NTNG1: variants seen among roughly 807,000 people sequenced by gnomAD.
The protein encoded by NTNG1 is netrin-G1.
Under a neutral mutation model 54.0 loss-of-function variants are expected in NTNG1, and 16 were observed. The ratio of observed to expected loss-of-function variants is 0.30; its 90% CI spans 0.20 to 0.45. The LOEUF (loss-of-function observed/expected upper bound fraction) is 0.45. NTNG1 is among the 20% of genes least tolerant of loss of function. The pLI is 1.00. For missense variants in NTNG1, 530 were observed against 678.7 expected (o/e 0.78, Z 2.43); for synonymous variants, 255 against 263.1 (o/e 0.97, Z 0.30).
At chr1:107,479,049 C>T (rs1040718026) in intron 7 of NTNG1, among the ~76,000 whole-genome samples, 7 of 152,154 alleles carry the variant, frequency 4.6e-5, no homozygotes, top group Non-Finnish European at 1.0e-4. Context: ...TATTTGGAGC[C>T]TGAAGGATTT....
At chr1:107,370,665 A>G (rs1361685425) in intron 3 of NTNG1, among the ~76,000 whole-genome samples, 1 of 152,036 alleles carries the variant, frequency 6.6e-6, no homozygotes, top group Non-Finnish European at 1.5e-5. Flanking sequence ...AATCCCATCC[A>G]GTTTGCTGCT....
intron 2 of NTNG1, among the ~76,000 whole-genome samples, chr1:107,277,000 T>C (rs1172741454): frequency 6.6e-6 from 1 of 152,080 alleles, no homozygotes; most frequent in Non-Finnish European, 1.5e-5. Flanking sequence ...TGGGGGAGGC[T>C]GGGAAATTTG....
chr1:107,480,582 C>CCCCCCCCAAAAA, intron 7 of NTNG1, 29 bp from the exon 8 acceptor site: 1 of 707,698 alleles, frequency 1.4e-6, no homozygotes, highest in East Asian at 2.7e-5. Context: ...CCGCGCCCAC[C>CCCCCCCCAAAAA]CACCCCTACC....
At chr1:107,408,104 A>T (rs2101149364) in intron 5 of NTNG1, 1 of 315,510 alleles carries the variant, frequency 3.2e-6, no homozygotes, top group South Asian at 2.8e-5. Context: ...TAAAAAGCAG[A>T]AAATGAAAGC....
chr1:107,261,105 T>C (rs1303815331), intron 2 of NTNG1: 1 of 152,258 alleles, frequency 6.6e-6, no homozygotes, highest in African/African-American at 2.4e-5. Context: ...CTTTAATTCA[T>C]TCATTTTTAA....
At chr1:107,257,204 C>G (rs1053026063) in intron 2 of NTNG1, among the ~76,000 whole-genome samples, 2 of 152,148 alleles carry the variant, frequency 1.3e-5, no homozygotes. Context: ...AGTTTAGAAA[C>G]CAGTTTAAAT....
intron 2 of NTNG1, among the ~76,000 whole-genome samples, chr1:107,207,694 G>T (rs980361062): frequency 6.6e-6 from 1 of 152,162 alleles, no homozygotes; most frequent in Non-Finnish European, 1.5e-5. Context: ...GGTGACATAT[G>T]TATCTCAACA....
chr1:107,365,441 C>G (rs74853117), intron 3 of NTNG1, among the ~76,000 whole-genome samples: 7 of 152,048 alleles, frequency 4.6e-5, no homozygotes, highest in Admixed American at 4.6e-4. Context: ...CAACTGGATT[C>G]CAGCCCCATT....
chr1:107,231,496 A>G (rs1420314146), intron 2 of NTNG1, among the ~76,000 whole-genome samples: 2 of 152,130 alleles, frequency 1.3e-5, no homozygotes, highest in East Asian at 1.9e-4. Flanking sequence ...TTCTAGGACT[A>G]TTTGTGGTAT....
intron 2 of NTNG1, among the ~76,000 whole-genome samples, chr1:107,269,453 G>A (rs1475182297): frequency 6.6e-6 from 1 of 152,082 alleles, no homozygotes; most frequent in Admixed American, 6.5e-5. Context: ...AACAGTTACT[G>A]CTTTCCGATA....
At chr1:107,210,266 C>T (rs1227271329) in intron 2 of NTNG1, among the ~76,000 whole-genome samples, 1 of 152,064 alleles carries the variant, frequency 6.6e-6, no homozygotes, top group Non-Finnish European at 1.5e-5. Flanking sequence ...TACTCAAGTT[C>T]ATTTGGAGAA....
intron 6 of NTNG1, among the ~76,000 whole-genome samples, chr1:107,433,926 C>A (rs566598843): frequency 2.0e-5 from 3 of 152,172 alleles, no homozygotes; most frequent in South Asian, 2.1e-4. Flanking sequence ...AATTAAGATT[C>A]CTAAAGGGCT....
At chr1:107,175,444 G>A (rs954927228) in intron 2 of NTNG1, among the ~76,000 whole-genome samples, 2 of 152,068 alleles carry the variant, frequency 1.3e-5, no homozygotes, top group Admixed American at 1.3e-4. Context: ...AGATTTCTTA[G>A]AGCCATGAGA....
chr1:107,342,481 T>C (rs978457733), intron 3 of NTNG1, among the ~76,000 whole-genome samples: 1 of 152,158 alleles, frequency 6.6e-6, no homozygotes, highest in African/African-American at 2.4e-5. Context: ...TACTGAATGT[T>C]TTTGCTTTGC....
At chr1:107,323,135 C>T (rs1201511017) in intron 2 of NTNG1, among the ~76,000 whole-genome samples, 10 of 150,100 alleles carry the variant, frequency 6.7e-5, no homozygotes, top group Admixed American at 6.6e-4. Context: ...AAGAAAGAAA[C>T]CTAATTGTAA....
chr1:107,351,833 A>G (rs1669618826), intron 3 of NTNG1, among the ~76,000 whole-genome samples: 1 of 152,246 alleles, frequency 6.6e-6, no homozygotes, highest in Non-Finnish European at 1.5e-5. Context: ...AATCAAAAAC[A>G]AGTTAGTTAC....
At chr1:107,299,743 G>A (rs920499864) in intron 2 of NTNG1, among the ~76,000 whole-genome samples, 4 of 152,096 alleles carry the variant, frequency 2.6e-5, no homozygotes, top group African/African-American at 4.8e-5. Context: ...CATTGTGATC[G>A]CTTTATGAAT....
intron 3 of NTNG1, among the ~76,000 whole-genome samples, chr1:107,368,137 T>G (rs1456175972): frequency 6.3e-4 from 96 of 152,120 alleles, no homozygotes; most frequent in Non-Finnish European, 4.4e-5. Flanking sequence ...CATGTCCCCA[T>G]TATCTCCAGG....
intron 2 of NTNG1, among the ~76,000 whole-genome samples, chr1:107,273,905 CTTCTT>C (rs1450869853): frequency 6.6e-6 from 1 of 152,088 alleles, no homozygotes; most frequent in African/African-American, 2.4e-5. Flanking sequence ...CTGACAATAT[CTTCTT>C]CTCTTCTGAA....
Sources: gnomAD v4.1 joint callset for allele counts (sites outside exome capture counted in the v4.1 genomes callset) on GRCh38, gnomAD v4.1.1 for gene constraint, MANE v1.5 for transcripts, NCBI Gene and HGNC (gene_info 2026-07-23, HGNC 2026-07-21) for gene names.